The following SCYL3 variants were observed in gnomAD, a reference collection of about 807,000 sequenced individuals.
The protein encoded by SCYL3 is SCY1 like pseudokinase 3.
A neutral mutation model predicts 73.8 loss-of-function variants in SCYL3; 35 were observed. The observed-to-expected ratio is 0.47, with a 90% CI of 0.36 to 0.63. The LOEUF is 0.63. Among genes scored for constraint, SCYL3 ranks in the 20% least tolerant of loss-of-function variants. The pLI is 0.00. For synonymous variants in SCYL3, 277 were observed against 295.2 expected (o/e 0.94, Z 0.63); for missense variants, 712 against 798.9 (o/e 0.89, Z 1.31).
At position 169,854,657 on chromosome 1, in the gene SCYL3, A is replaced by G; in HGVS notation, c.1620T>C (p.Val540=). The change falls in exon 12 of 13, where the codon GTT becomes GTC. Residue 540 remains valine (V), a synonymous_variant. Transcript: ENST00000367771. ...PGGGITATKP[V]TSGEQKPIPA... ...GAATAGGCTTCTGCTCCCCTGAGGT[A>G]ACAGGTTTTGTAGCAGTGATTCCAC... The G allele has an allele frequency of 6.2e-7, 1 of 1,614,078 alleles. No individual in the cohort carries two copies. The highest frequency in any genetic ancestry group is 1.3e-5 in the African/African-American group (1 of 75,032).
chr1:169,853,836 A>G, intron 12 of SCYL3, 64 bp from the exon 13 acceptor site: 2 of 1,576,370 alleles, frequency 1.3e-6, no homozygotes, highest in Admixed American at 3.5e-5. Flanking sequence ...ATCATACGCA[A>G]ATTTGAAAAA....
At chr1:169,861,102 A>T (rs992127415) in intron 10 of SCYL3, among the ~76,000 whole-genome samples, 2 of 152,178 alleles carry the variant, frequency 1.3e-5, no homozygotes, top group Non-Finnish European at 2.9e-5. Context: ...ACAGGGTAAC[A>T]ATTACTGCTG....
intron 10 of SCYL3, among the ~76,000 whole-genome samples, chr1:169,860,330 G>C (rs1415918639): frequency 6.6e-6 from 1 of 152,232 alleles, no homozygotes; most frequent in Non-Finnish European, 1.5e-5. Context: ...GTCACATGCA[G>C]ATATCAGGCA....
Position 169,849,974 on chromosome 1 carries a change from T to C in SCYL3, c.*3739A>G. ...AACCTAAACCTGTAAGATGGGTTGC[T>C]CCTTTACTCTTACTGCATTTGCTGT... On this transcript the variant is annotated 3_prime_UTR_variant, in exon 13 of 13. Coordinates refer to ENST00000367771, the MANE Select transcript of SCYL3 (RefSeq NM_020423.7). 1 of 474,254 alleles carries C rather than the reference T, an allele frequency of 2.1e-6. No homozygotes were observed. The highest frequency in any genetic ancestry group is 2.8e-5 in the South Asian group (1 of 35,514). The allele number at this position is 474,254 out of a possible 1,614,324, so 29.4% of individuals were successfully genotyped here.
Position 169,852,577 on chromosome 1 carries a change from G to C in SCYL3, c.*1136C>G. 1.8e-6 allele frequency: 1 copy of C among 571,008 alleles called. No homozygotes were observed. Among genetic ancestry groups the C allele is most frequent in the Non-Finnish European group, 3.1e-6 (1 of 322,460 alleles). The allele number at this position is 571,008 out of a possible 1,614,324, so 35.4% of individuals were successfully genotyped here. A position where few individuals can be genotyped will look rare whatever the true frequency, so the allele number is the denominator to read the frequency against. On this transcript the variant is annotated 3_prime_UTR_variant, in exon 13 of 13. Transcript: ENST00000367771. Reference sequence around the variant, plus strand: ...TTGTTGTATACCACATACAAACTAAGACACTGGTAGTAGCACTCTGAATTG... The same window carrying C: ...TTGTTGTATACCACATACAAACTAACACACTGGTAGTAGCACTCTGAATTG...
chr1:169,854,907 T>C lies in SCYL3; in HGVS notation c.1370A>G (p.Asn457Ser). Residue 457 changes from asparagine to serine, a missense_variant, in exon 12 of 13, where the codon AAT becomes AGT. By Grantham distance (46) the Asn-to-Ser change is conservative. This residue lies in a region of SCYL3 where 370 missense variants were observed against 350.8 expected (regional missense o/e 1.05). Transcript: ENST00000367771. ...GAAGTTTTCACTGTCCTCCGAAGTA[T>C]TTTTTACATCTGAGAGTCCATTTAT... The part of the protein sequence containing the change: ...FPINGLSDVK[N>S]TSEDSENFPS... 6.2e-7 allele frequency: 1 copy of C among 1,613,330 alleles called. No homozygotes were observed. Among genetic ancestry groups the C allele is most frequent in the East Asian group, 2.2e-5 (1 of 44,882 alleles).
upstream of SCYL3, chr1:169,894,065 T>G (rs1301324498): frequency 1.3e-5 from 2 of 152,078 alleles, no homozygotes; most frequent in Admixed American, 1.3e-4. Context: ...ATCTTAAGTG[T>G]GGGCGCCGCG....
intron 8 of SCYL3, among the ~76,000 whole-genome samples, chr1:169,865,705 A>C (rs1659988018): frequency 6.6e-6 from 1 of 152,018 alleles, no homozygotes; most frequent in Non-Finnish European, 1.5e-5. Context: ...AGCCCAATGC[A>C]CTCTCACTGC....
intron 4 of SCYL3, among the ~76,000 whole-genome samples, chr1:169,875,696 T>TG (rs1427882340): frequency 6.6e-6 from 1 of 152,240 alleles, no homozygotes; most frequent in Non-Finnish European, 1.5e-5. Flanking sequence ...CAAGGTACTA[T>TG]GGGGCAGAGA....
intron 2 of SCYL3, among the ~76,000 whole-genome samples, chr1:169,885,036 T>C (rs1661580417): frequency 6.6e-6 from 1 of 152,322 alleles, no homozygotes; most frequent in South Asian, 2.1e-4. Context: ...GTTGAGCAAA[T>C]AAATGGCTCT....
At chr1:169,872,223 C>T (rs1288351805) in intron 5 of SCYL3, among the ~76,000 whole-genome samples, 3 of 152,212 alleles carry the variant, frequency 2.0e-5, no homozygotes, top group Non-Finnish European at 4.4e-5. Context: ...ACTTGGTGCC[C>T]TGCATCTCAG....
rs747756661 is a variant in SCYL3 at position 169,855,987 on chromosome 1, AAAGGG to A, written c.1313-1028_1313-1024del. 8.1e-6 allele frequency: 13 copies of A among 1,602,788 alleles called. No individual in the cohort carries two copies. In the Admixed American group the frequency reaches 1.4e-4, roughly 17 times the overall value. On this transcript the variant is annotated intron_variant, in intron 11 of 12. Coordinates refer to ENST00000367771, the MANE Select transcript of SCYL3 (RefSeq NM_020423.7). The stretch of plus-strand genomic sequence containing the variant: ...AGGTAAATAAAAACTCCAAAACATG[AAAGGG>A]ACAGTAAATTGCTTCTTGATCTATC...
chr1:169,861,175 C>A (rs1659616514), intron 10 of SCYL3, among the ~76,000 whole-genome samples: 1 of 152,170 alleles, frequency 6.6e-6, no homozygotes, highest in South Asian at 2.1e-4. Flanking sequence ...AAGTCAGCCC[C>A]CAGCGAATCA....
At chr1:169,857,899 G>C (rs1659314941) in intron 11 of SCYL3, among the ~76,000 whole-genome samples, 1 of 151,952 alleles carries the variant, frequency 6.6e-6, no homozygotes, top group Admixed American at 6.6e-5. Context: ...ATAACACAGT[G>C]GTAATTATTT....
In SCYL3 at chr1:169,854,421, A is replaced by C; in HGVS notation, c.1856T>G (p.Met619Arg). The C allele has an allele frequency of 6.2e-7, 1 of 1,614,070 alleles. No homozygotes were observed. Among genetic ancestry groups the C allele is most frequent in the South Asian group, 1.1e-5 (1 of 91,074 alleles). Residue 619 changes from methionine to arginine, a missense_variant, in exon 12 of 13, where the codon ATG (methionine) becomes AGG (arginine). By Grantham distance (91) the Met-to-Arg change is moderately conservative. This residue lies in a region of SCYL3 where 370 missense variants were observed against 350.8 expected (regional missense o/e 1.05). Coordinates refer to ENST00000367771, the MANE Select transcript of SCYL3 (RefSeq NM_020423.7). ...TGGGATCATATCAGCAAACCAATCC[A>C]TCTCAGGATCTTTTACTGGCTTCTT... is the stretch of plus-strand genomic sequence containing the variant. The part of the protein sequence containing the change: ...VKKKPVKDPE[M>R]DWFADMIPEI...
In SCYL3 at chr1:169,850,711, G is replaced by T; in HGVS notation, c.*3002C>A. The T allele has an allele frequency of 5.7e-6, 1 of 174,264 alleles. No individual in the cohort carries two copies. Among genetic ancestry groups the T allele is most frequent in the Non-Finnish European group, 1.2e-5 (1 of 80,388 alleles). The allele number at this position is 174,264 out of a possible 1,614,324, so 10.8% of individuals were successfully genotyped here. ...CTCGGGAGGCTGAGGCAGGAGAATT[G>T]CTTGAACTGGGGAGGTAGAGATTGC... On this transcript the variant is annotated 3_prime_UTR_variant, in exon 13 of 13. Transcript: ENST00000367771.
upstream of SCYL3, chr1:169,894,259 T>C (rs1662293862): frequency 6.6e-6 from 1 of 152,178 alleles, no homozygotes; most frequent in Non-Finnish European, 1.5e-5. Context: ...TAGCAAACAG[T>C]AGAGGTGCAG....
At position 169,878,778 on chromosome 1, in the gene SCYL3, T is replaced by TA. The variant is rs1558138428; in HGVS notation, c.206dup (p.Leu69PhefsTer15). On this transcript the variant is annotated frameshift_variant, in exon 3 of 13. Transcript: ENST00000367771. LOFTEE classifies it high-confidence loss of function. ...TGCCATCCGCTTCCACAGTACAAGATAAAAATCTTAGCAAGCAAGGGTGAC... is the reference window on the plus strand; with the variant it reads ...TGCCATCCGCTTCCACAGTACAAGATAAAAAATCTTAGCAAGCAAGGGTGAC... 1 of 1,613,368 alleles carries TA rather than the reference T, an allele frequency of 6.2e-7. No individual in the cohort carries two copies. Among genetic ancestry groups the TA allele is most frequent in the Non-Finnish European group, 8.5e-7 (1 of 1,179,854 alleles).
Position 169,851,743 on chromosome 1 carries a change from AT to A in SCYL3, c.*1969del, listed in dbSNP as rs1658372415. On this transcript the variant is annotated 3_prime_UTR_variant, in exon 13 of 13. Coordinates refer to ENST00000367771, the MANE Select transcript of SCYL3 (RefSeq NM_020423.7). ...GTATGGTTGAACACTCAGCACTTAA[AT>A]TATGTGGCCATTTCATATCTAGTAG... The A allele has an allele frequency of 1.3e-6, 2 of 1,551,008 alleles. No homozygotes were observed. The highest frequency in any genetic ancestry group is 2.7e-5 in the African/African-American group (2 of 73,020).
Sources: allele counts gnomAD v4.1 joint callset (sites outside exome capture counted in the v4.1 genomes callset), GRCh38; gene constraint gnomAD v4.1.1; regional missense constraint gnomAD v4.1.1; transcripts MANE v1.5; gene names NCBI Gene and HGNC (gene_info 2026-07-23, HGNC 2026-07-21).